The following FGF14 variants were observed in gnomAD, a reference collection of about 807,000 sequenced individuals.
FGF14 encodes the protein fibroblast growth factor 14, also known as fibroblast growth factor homologous factor 4.
A neutral mutation model predicts 25.5 loss-of-function variants in FGF14; 5 were observed. The ratio of observed to expected loss-of-function variants is 0.20; its 90% CI spans 0.10 to 0.41. The LOEUF (loss-of-function observed/expected upper bound fraction) is 0.41. Among genes scored for constraint, FGF14 ranks in the 10% least tolerant of loss-of-function variants. FGF14 has a pLI of 1.00. For missense variants in FGF14, 222 were observed against 320.1 expected, an observed-to-expected ratio of 0.69 and a Z score of 2.34; for synonymous variants, 138 against 118.3, an observed-to-expected ratio of 1.17 and a Z score of -1.08.
chr13:101,887,345 TACAC>T (rs888418186), intron 1 of FGF14, among the ~76,000 whole-genome samples: 68 of 150,088 alleles, frequency 4.5e-4, no homozygotes, highest in African/African-American at 1.5e-3. Flanking sequence ...TATATATATA[TACAC>T]ACACACACAC....
rs12583974 is a variant in FGF14, at chr13:101,998,621, T to G, written c.209-123325A>C. 2.6e-4 allele frequency among the ~76,000 whole-genome samples: 39 copies of G among 152,356 alleles called. No individual in the cohort carries two copies. In the East Asian group the frequency reaches 6.9e-3, roughly 27 times the overall value. On this transcript the variant is annotated intron_variant, in intron 1 of 4. Transcript: ENST00000376131. Reference sequence around the variant, plus strand: ...GTATTTCTGAAATGTATTTACAGATTCTGTGCAAGACCTTCAGTCAATGCT... The same window carrying G: ...GTATTTCTGAAATGTATTTACAGATGCTGTGCAAGACCTTCAGTCAATGCT...
At chr13:101,948,600 A>G (rs890107101) in intron 1 of FGF14, among the ~76,000 whole-genome samples, 3 of 152,032 alleles carry the variant, frequency 2.0e-5, no homozygotes, top group African/African-American at 7.2e-5. Flanking sequence ...ATTCGTAATG[A>G]TAGTAAATGG....
intron 1 of FGF14, among the ~76,000 whole-genome samples, chr13:101,960,683 T>C (rs1439461808): frequency 6.6e-6 from 1 of 152,182 alleles, no homozygotes; most frequent in Admixed American, 6.5e-5. Flanking sequence ...AATAGAATGA[T>C]TTATAGTCCT....
At chr13:102,147,121 G>A (rs993894806) in intron 1 of FGF14, among the ~76,000 whole-genome samples, 12 of 151,278 alleles carry the variant, frequency 7.9e-5, no homozygotes, top group African/African-American at 2.9e-4. Flanking sequence ...ATTATTTTAG[G>A]CCACCCTTGG....
intron 3 of FGF14, among the ~76,000 whole-genome samples, chr13:101,770,669 G>C (rs2038712058): frequency 6.6e-6 from 1 of 152,038 alleles, no homozygotes; most frequent in Admixed American, 6.6e-5. Flanking sequence ...AAAGTGCATA[G>C]TGAAAAATAC....
intron 1 of FGF14, among the ~76,000 whole-genome samples, chr13:102,383,434 T>G (rs1205913413): frequency 6.6e-6 from 1 of 152,200 alleles, no homozygotes; most frequent in Non-Finnish European, 1.5e-5. Context: ...ATAACCTACT[T>G]TGTAGAAGTA....
At chr13:102,165,950 T>G (rs1407754089) in intron 1 of FGF14, among the ~76,000 whole-genome samples, 2 of 151,962 alleles carry the variant, frequency 1.3e-5, no homozygotes, top group African/African-American at 4.8e-5. Flanking sequence ...GTAAAATTTT[T>G]CATTTTAACC....
chr13:102,129,029 T>C (rs993384226), intron 1 of FGF14, among the ~76,000 whole-genome samples: 9 of 151,756 alleles, frequency 5.9e-5, no homozygotes, highest in African/African-American at 2.2e-4. Flanking sequence ...GTTGCAGAAG[T>C]TGCACTCTAG....
rs75638825 is a variant in FGF14 at position 101,733,221 on chromosome 13, T to C, written c.409-6411A>G. Among the ~76,000 whole-genome samples the C allele has an allele frequency of 6.2e-3, 943 of 152,266 alleles. 8 individuals are homozygous for C. Among genetic ancestry groups the C allele is most frequent in the African/African-American group, 0.021 (859 of 41,540 alleles). On this transcript the variant is annotated intron_variant, in intron 3 of 4. Coordinates refer to ENST00000376143, the MANE Select transcript of FGF14 (RefSeq NM_004115.4). ...GTCAAAAATTTTTAATATTGGGCTGTGACTAATGCCCACAGGAGAAAAAAA... is the reference window on the plus strand; with the variant it reads ...GTCAAAAATTTTTAATATTGGGCTGCGACTAATGCCCACAGGAGAAAAAAA...
chr13:102,257,072 TA>T (rs1394252396), intron 1 of FGF14, among the ~76,000 whole-genome samples: 2 of 152,146 alleles, frequency 1.3e-5, no homozygotes, highest in Non-Finnish European at 2.9e-5. Context: ...ATAATTGGCA[TA>T]ATAAAGGCAG....
chr13:102,161,632 AAGAAG>A (rs2047711883), intron 1 of FGF14, among the ~76,000 whole-genome samples: 21 of 12,076 alleles, frequency 1.7e-3, no homozygotes, highest in Admixed American at 4.5e-3. Flanking sequence ...GAAGAAGAAG[AAGAAG>A]AAGAAGAAGA....
intron 1 of FGF14, among the ~76,000 whole-genome samples, chr13:102,167,561 T>C (rs1330255474): frequency 6.6e-6 from 1 of 152,054 alleles, no homozygotes; most frequent in African/African-American, 2.4e-5. Flanking sequence ...GTATAGGAAG[T>C]ATAGGAGTTC....
intron 3 of FGF14, among the ~76,000 whole-genome samples, chr13:101,803,973 T>C (rs1594308501): frequency 1.3e-5 from 2 of 151,660 alleles, no homozygotes; most frequent in Non-Finnish European, 1.5e-5. Context: ...ATTTTAGGCA[T>C]AGGAATAGGT....
chr13:102,147,411 T>C, intron 1 of FGF14, among the ~76,000 whole-genome samples: 1 of 152,210 alleles, frequency 6.6e-6, no homozygotes. Context: ...TTATTCAGCA[T>C]TTCCATATGC....
At chr13:102,194,467 C>T (rs1457153594) in intron 1 of FGF14, among the ~76,000 whole-genome samples, 1 of 151,512 alleles carries the variant, frequency 6.6e-6, no homozygotes, top group African/African-American at 2.4e-5. Context: ...TGTGTTGTTC[C>T]CCTGCTAGGG....
chr13:102,202,230 T>G (rs1276488089), intron 1 of FGF14, among the ~76,000 whole-genome samples: 1 of 152,156 alleles, frequency 6.6e-6, no homozygotes, highest in Non-Finnish European at 1.5e-5. Context: ...CAGTGTTTCT[T>G]TATAGCAAAA....
Position 102,167,907 on chromosome 13 carries a change from CAAAT to C in FGF14, c.208+233560_208+233563del, listed in dbSNP as rs544158158. Reference sequence around the variant, plus strand: ...CCTTTAGGTGATGGATCAATAAAAACAAATAAAGAGCCAGGTATACGCACACACA... The same window carrying C: ...CCTTTAGGTGATGGATCAATAAAAACAAAGAGCCAGGTATACGCACACACA... On this transcript the variant is annotated intron_variant, in intron 1 of 4. Coordinates refer to the FGF14 transcript ENST00000376131. Among the ~76,000 whole-genome samples the C allele has an allele frequency of 2.3e-3, 351 of 149,808 alleles. 2 individuals carry two copies. Among genetic ancestry groups the C allele is most frequent in the Non-Finnish European group, 4.1e-3 (278 of 67,568 alleles).
rs1452183145 is a variant in FGF14, at chr13:101,825,953, T to C, written c.408+42772A>G. Among the ~76,000 whole-genome samples, 3 of 152,292 alleles carry C rather than the reference T, an allele frequency of 2.0e-5. No homozygotes were observed. In the East Asian group the frequency reaches 5.8e-4, roughly 29 times the overall value. On this transcript the variant is annotated intron_variant, in intron 3 of 4. Transcript: ENST00000376143. ...CTAAAAGATAATACAAGGAGTCCTC[T>C]AACATTGGTTTATAAGACCATGTCA...
chr13:101,996,102 C>T (rs1275021076), intron 1 of FGF14, among the ~76,000 whole-genome samples: 1 of 152,120 alleles, frequency 6.6e-6, no homozygotes, highest in Non-Finnish European at 1.5e-5. Flanking sequence ...TGTATCAAAA[C>T]ATCTCATATA....
Sources: allele counts gnomAD v4.1 joint callset (sites outside exome capture counted in the v4.1 genomes callset), GRCh38; gene constraint gnomAD v4.1.1; transcripts MANE v1.5; gene names NCBI Gene and HGNC (gene_info 2026-07-23, HGNC 2026-07-21).